Variants in CCNT2 observed in about 807,000 individuals in gnomAD.
CCNT2 encodes the protein cyclin-T2.
A neutral mutation model predicts 70.0 loss-of-function variants in CCNT2; 18 were observed. The observed-to-expected ratio is 0.26, with a 90% confidence interval of 0.18 to 0.38. The LOEUF is 0.38. Among genes scored for constraint, CCNT2 ranks in the 10% least tolerant of loss-of-function variants. The pLI is 1.00. For missense variants in CCNT2, 734 were observed against 890.2 expected (o/e 0.82, Z 2.23); for synonymous variants, 334 against 313.3 (o/e 1.07, Z -0.70).
intron 2 of CCNT2, among the ~76,000 whole-genome samples, chr2:134,924,650 A>G (rs956931850): frequency 1.3e-5 from 2 of 152,140 alleles, no homozygotes; most frequent in African/African-American, 2.4e-5. Context: ...GGTTTTCACC[A>G]TGTTGGTCTG....
intron 4 of CCNT2, among the ~76,000 whole-genome samples, chr2:134,939,943 C>T (rs893692079): frequency 2.6e-5 from 4 of 152,144 alleles, no homozygotes; most frequent in African/African-American, 9.7e-5. Flanking sequence ...TCTGGAAGAA[C>T]CTACTAGGAT....
intron 2 of CCNT2, among the ~76,000 whole-genome samples, chr2:134,923,237 C>T (rs1680044377): frequency 6.6e-6 from 1 of 152,158 alleles, no homozygotes. Context: ...GCCGAGATCA[C>T]ATCACTGCAC....
chr2:134,922,928 C>G (rs1276598147), intron 2 of CCNT2, among the ~76,000 whole-genome samples: 1 of 152,180 alleles, frequency 6.6e-6, no homozygotes. Flanking sequence ...TCTCTTACTT[C>G]CATTGCCTCT....
chr2:134,946,366 A>C (rs1490108152), intron 6 of CCNT2: 1 of 1,249,434 alleles, frequency 8.0e-7, no homozygotes, highest in Non-Finnish European at 1.0e-6. Flanking sequence ...TTCTGATGAC[A>C]TATTCTCGAT....
intron 2 of CCNT2, among the ~76,000 whole-genome samples, chr2:134,930,282 C>T (rs180913732): frequency 3.9e-5 from 6 of 152,240 alleles, no homozygotes; most frequent in African/African-American, 9.6e-5. Flanking sequence ...TTTCAAGGTC[C>T]GTTCATGGTG....
Position 134,952,261 on chromosome 2 carries a change from A to G in CCNT2, c.704-380A>G, listed in dbSNP as rs370752803. 3.3e-5 allele frequency among the ~76,000 whole-genome samples: 5 copies of G among 152,326 alleles called. No homozygotes were observed. The East Asian group carries it at 7.7e-4, about 23-fold the overall frequency. On this transcript the variant is annotated intron_variant, in intron 7 of 8. Coordinates refer to ENST00000264157, the MANE Select transcript of CCNT2 (RefSeq NM_058241.3). ...GGGAAGATACGTTGGGATTATACAA[A>G]TAACGTTTTTCCTCAAACTTTTGTC...
intron 7 of CCNT2, among the ~76,000 whole-genome samples, chr2:134,950,053 A>G (rs1397410853): frequency 3.9e-5 from 6 of 152,148 alleles, no homozygotes. Context: ...CTTGGCCTCA[A>G]AGTGTTAGGA....
intron 2 of CCNT2, chr2:134,920,173 T>C (rs1436751425): frequency 1.1e-5 from 3 of 267,946 alleles, no homozygotes; most frequent in Non-Finnish European, 2.1e-5. Flanking sequence ...TCATTTAAAT[T>C]CTATACTTAA....
chr2:134,923,540 T>C (rs1250103221), intron 2 of CCNT2, among the ~76,000 whole-genome samples: 2 of 152,270 alleles, frequency 1.3e-5, no homozygotes, highest in Admixed American at 6.5e-5. Flanking sequence ...AGTAGAACTT[T>C]CTGCATAGCG....
intron 4 of CCNT2, among the ~76,000 whole-genome samples, chr2:134,941,016 C>T (rs1389083238): frequency 1.3e-5 from 2 of 152,114 alleles, no homozygotes; most frequent in Admixed American, 6.5e-5. Context: ...TGCACTTTAT[C>T]TCATATTGAA....
At chr2:134,926,523 G>C (rs899129879) in intron 2 of CCNT2, among the ~76,000 whole-genome samples, 2 of 152,116 alleles carry the variant, frequency 1.3e-5, no homozygotes, top group African/African-American at 4.8e-5. Flanking sequence ...AGTTAGCTTC[G>C]GTCTTTTAAT....
Position 134,954,158 on chromosome 2 carries a change from A to G in CCNT2, c.1703A>G (p.His568Arg). 6.2e-7 allele frequency: 1 copy of G among 1,614,196 alleles called. No homozygotes were observed. The highest frequency in any genetic ancestry group is 8.5e-7 in the Non-Finnish European group (1 of 1,180,024). The change falls in exon 9 of 9, where the codon CAC becomes CGC. Residue 568 changes from histidine (H) to arginine (R), a missense_variant. By Grantham distance (29) the His-to-Arg change is conservative. Coordinates refer to ENST00000264157, the MANE Select transcript of CCNT2 (RefSeq NM_058241.3). ...EKHKEHPSSR[H>R]HTSSHKHSHS... ...CACAAGGAGCATCCTTCAAGCCGCC[A>G]CCACACCAGCAGCCACAAGCATTCC... is the stretch of plus-strand genomic sequence containing the variant.
intron 3 of CCNT2, 29 bp downstream of exon 3, chr2:134,936,998 C>A: frequency 6.4e-7 from 1 of 1,551,806 alleles, no homozygotes; most frequent in Non-Finnish European, 8.8e-7. Flanking sequence ...TTTTATTTTT[C>A]TTTGTAAATT....
rs1485492127 is a variant in CCNT2, at chr2:134,943,131, T to A, written c.493+457T>A. The A allele has an allele frequency of 4.1e-6, 4 of 981,800 alleles. No individual in the cohort carries two copies. The Admixed American group carries it at 1.8e-4, about 45-fold the overall frequency. 60.8% of individuals were successfully genotyped at this position (981,800 alleles called of 1,614,324 possible). On this transcript the variant is annotated intron_variant, in intron 5 of 8. Transcript: ENST00000264157. The stretch of plus-strand genomic sequence containing the variant: ...TTTGTTAAAAGATTTGTCAGTACGG[T>A]GGCTCCCACCTGTAATCCCAGCATT...
intron 4 of CCNT2, among the ~76,000 whole-genome samples, chr2:134,940,788 A>G (rs1681525676): frequency 6.6e-6 from 1 of 152,202 alleles, no homozygotes; most frequent in Non-Finnish European, 1.5e-5. Context: ...GACCCATACA[A>G]AGTGCCTCTA....
chr2:134,945,401 C>T, intron 5 of CCNT2: 2 of 985,372 alleles, frequency 2.0e-6, no homozygotes, highest in Non-Finnish European at 2.4e-6. Context: ...GAAAACTTTT[C>T]AGTGTCTTAA....
intron 7 of CCNT2, among the ~76,000 whole-genome samples, chr2:134,951,037 CTTTTTTTTTT>C (rs539766504): frequency 7.2e-6 from 1 of 139,246 alleles, no homozygotes; most frequent in South Asian, 2.3e-4. Flanking sequence ...GAAAAATAGT[CTTTTTTTTTT>C]TCTTTTTTTT....
chr2:134,936,776 A>G, intron 2 of CCNT2, 65 bp from the exon 3 acceptor site: 2 of 1,464,438 alleles, frequency 1.4e-6, no homozygotes, highest in Non-Finnish European at 1.9e-6. Context: ...AGAAAAGAAA[A>G]GAAAATAGAG....
At position 134,945,554 on chromosome 2, in the gene CCNT2, C is replaced by T. The variant is rs45501194; in HGVS notation, c.494-547C>T. 1,008 of 985,246 alleles carry T rather than the reference C, an allele frequency of 1.0e-3. 12 individuals carry two copies. The African/African-American group carries it at 0.016, about 16-fold the overall frequency. The allele number at this position is 985,246 out of a possible 1,614,324, so 61.0% of individuals were successfully genotyped here. ...TACAGTGGAGCCTCCTGTATCTGTACCCGTATGCTGTTTCTAGGTTTATTC... is the reference window on the plus strand; with the variant it reads ...TACAGTGGAGCCTCCTGTATCTGTATCCGTATGCTGTTTCTAGGTTTATTC... On this transcript the variant is annotated intron_variant, in intron 5 of 8. Transcript: ENST00000264157.
Sources: gnomAD v4.1 joint callset for allele counts (sites outside exome capture counted in the v4.1 genomes callset) on GRCh38, gnomAD v4.1.1 for gene constraint, MANE v1.5 for transcripts, NCBI Gene and HGNC (gene_info 2026-07-23, HGNC 2026-07-21) for gene names.